CDH11: variants seen among roughly 807,000 people sequenced by gnomAD.
CDH11 encodes cadherin-11.
Under a neutral mutation model 67.8 loss-of-function variants are expected in CDH11, and 11 were observed. The ratio of observed to expected loss-of-function variants is 0.16; its 90% CI spans 0.10 to 0.27. The LOEUF is 0.27. Among genes scored for constraint, CDH11 ranks in the 10% least tolerant of loss-of-function variants. The pLI is 1.00. For missense variants in CDH11, 847 were observed against 1,031.2 expected (o/e 0.82, Z 2.45); for synonymous variants, 419 against 400.0 (o/e 1.05, Z -0.57).
chr16:65,077,372 C>A (rs1453156193), intron 1 of CDH11, among the ~76,000 whole-genome samples: 1 of 152,182 alleles, frequency 6.6e-6, no homozygotes, highest in Non-Finnish European at 1.5e-5. Flanking sequence ...TTGTGTGTAG[C>A]TTCTTTTCAC....
At chr16:65,108,684 TA>T (rs56412091) in intron 1 of CDH11, among the ~76,000 whole-genome samples, 23 of 150,348 alleles carry the variant, frequency 1.5e-4, no homozygotes, top group East Asian at 3.9e-4. Flanking sequence ...AATCAATATT[TA>T]AAAAAAAAAA....
At chr16:65,093,711 G>T (rs2074834154) in intron 1 of CDH11, among the ~76,000 whole-genome samples, 1 of 152,058 alleles carries the variant, frequency 6.6e-6, no homozygotes, top group Admixed American at 6.5e-5. Flanking sequence ...GGTATACAGA[G>T]ATAAAATCAT....
At chr16:64,979,722 A>G (rs1338667741) in intron 8 of CDH11, among the ~76,000 whole-genome samples, 2 of 152,218 alleles carry the variant, frequency 1.3e-5, no homozygotes, top group Non-Finnish European at 2.9e-5. Context: ...ACTCCTAGGT[A>G]TATGCCCAGG....
chr16:65,085,125 G>T (rs531074256), intron 1 of CDH11, among the ~76,000 whole-genome samples: 3 of 152,204 alleles, frequency 2.0e-5, no homozygotes, highest in Admixed American at 6.5e-5. Context: ...TGGGCAGCGT[G>T]GTCTCGAACT....
intron 1 of CDH11, among the ~76,000 whole-genome samples, chr16:65,113,602 C>T (rs536168824): frequency 2.6e-5 from 4 of 152,218 alleles, no homozygotes; most frequent in African/African-American, 7.2e-5. Context: ...TAAGATGCCA[C>T]GTGGTAAAGC....
chr16:64,952,284 T>C (rs2071383379), intron 11 of CDH11, among the ~76,000 whole-genome samples: 1 of 152,244 alleles, frequency 6.6e-6, no homozygotes, highest in East Asian at 1.9e-4. Context: ...ATACATAACC[T>C]ACTCTTCTGT....
At chr16:64,956,029 A>G (rs2071500628) in intron 11 of CDH11, among the ~76,000 whole-genome samples, 1 of 152,170 alleles carries the variant, frequency 6.6e-6, no homozygotes, top group Non-Finnish European at 1.5e-5. Flanking sequence ...CCAGGTTACT[A>G]AGATGAAACA....
chr16:65,095,722 C>T (rs182703857), intron 1 of CDH11, among the ~76,000 whole-genome samples: 7 of 152,276 alleles, frequency 4.6e-5, no homozygotes, highest in African/African-American at 1.7e-4. Flanking sequence ...TGCCTACCTG[C>T]CCTATGGATT....
At chr16:65,064,788 T>G (rs888924161) in intron 1 of CDH11, among the ~76,000 whole-genome samples, 2 of 152,216 alleles carry the variant, frequency 1.3e-5, no homozygotes, top group African/African-American at 4.8e-5. Flanking sequence ...AAATATTTTT[T>G]TAAATAGCAG....
chr16:65,102,312 T>TC (rs1252478419), intron 1 of CDH11, among the ~76,000 whole-genome samples: 1 of 152,240 alleles, frequency 6.6e-6, no homozygotes, highest in Non-Finnish European at 1.5e-5. Context: ...CCAATTTGTC[T>TC]CATTGAGTCA....
At chr16:65,029,139 TA>T (rs2073589648) in intron 2 of CDH11, among the ~76,000 whole-genome samples, 1 of 152,162 alleles carries the variant, frequency 6.6e-6, no homozygotes, top group South Asian at 2.1e-4. Context: ...AAACACTTTT[TA>T]AAAAATCTTC....
rs754216024 is a variant in CDH11 at position 64,982,202 on chromosome 16, T to G, written c.1099A>C (p.Thr367Pro). Reference sequence around the variant, plus strand: ...TCTACTGAGATCTTGACGGTCACAGTGTCCTTGAAAGGGCCATTGCTGATA... The same window carrying G: ...TCTACTGAGATCTTGACGGTCACAGGGTCCTTGAAAGGGCCATTGCTGATA... The part of the protein sequence containing the change: ...KFISNGPFKD[T>P]VTVKISVEDA... Residue 367 changes from threonine to proline, a missense_variant, in exon 8 of 13, where the codon ACT becomes CCT. Physicochemically the swap from Thr to Pro is conservative, Grantham distance 38. Around this residue, in one of 2 missense-constraint regions of CDH11, gnomAD observed 612 missense variants for 678.7 expected, o/e 0.90. Transcript: ENST00000268603. 1.2e-6 allele frequency: 2 copies of G among 1,614,112 alleles called. No individual in the cohort carries two copies. Among genetic ancestry groups the G allele is most frequent in the Non-Finnish European group, 1.7e-6 (2 of 1,179,966 alleles).
intron 1 of CDH11, among the ~76,000 whole-genome samples, chr16:65,081,956 G>A (rs2074618462): frequency 6.6e-6 from 1 of 152,036 alleles, no homozygotes; most frequent in South Asian, 2.1e-4. Flanking sequence ...AAGGTGCTGA[G>A]GACTGAGTCC....
rs1190205209 is a variant in CDH11, at chr16:64,945,133, A to G, written c.*2470T>C. On this transcript the variant is annotated 3_prime_UTR_variant, in exon 13 of 13. Transcript: ENST00000268603. The stretch of plus-strand genomic sequence containing the variant: ...TCCTTCTTTTAGCTGCATAGATGGT[A>G]TAAAACAGTGATTACTTTAGAATAA... The G allele has an allele frequency of 5.0e-6, 1 of 201,686 alleles. No individual in the cohort carries two copies. The highest frequency in any genetic ancestry group is 2.3e-5 in the African/African-American group (1 of 43,650). 12.5% of individuals were successfully genotyped at this position (201,686 alleles called of 1,614,324 possible).
intron 1 of CDH11, among the ~76,000 whole-genome samples, chr16:65,076,221 T>C (rs558510448): frequency 3.9e-5 from 6 of 152,358 alleles, no homozygotes; most frequent in Middle Eastern, 6.8e-3. Flanking sequence ...TCTATTCTAG[T>C]CAATTTTCTT....
Position 65,121,572 on chromosome 16 carries a change from C to T in CDH11, c.-298+308G>A, listed in dbSNP as rs1051768139. ...GTCTCTTGCCCCAGCCAGGTACAAACCCCCTCTGCTGTGGCCTCGGCGCAG... is the reference window on the plus strand; with the variant it reads ...GTCTCTTGCCCCAGCCAGGTACAAATCCCCTCTGCTGTGGCCTCGGCGCAG... On this transcript the variant is annotated intron_variant, in intron 1 of 12. Transcript: ENST00000268603. This position sits in a 1 kb window ranked among gnomAD's most constrained non-coding sequence, Gnocchi z 4.1. 1.3e-5 allele frequency among the ~76,000 whole-genome samples: 2 copies of T among 152,166 alleles called. No individual in the cohort carries two copies. The highest frequency in any genetic ancestry group is 4.8e-5 in the African/African-American group (2 of 41,456).
intron 1 of CDH11, among the ~76,000 whole-genome samples, chr16:65,086,293 G>T (rs969101822): frequency 3.3e-5 from 5 of 152,170 alleles, no homozygotes; most frequent in African/African-American, 9.7e-5. Context: ...TATACCAATG[G>T]TTCTCAAACT....
chr16:65,089,354 C>G (rs549839272), intron 1 of CDH11, among the ~76,000 whole-genome samples: 10 of 152,154 alleles, frequency 6.6e-5, no homozygotes, highest in Middle Eastern at 6.8e-3. Context: ...GGCACTTAAC[C>G]AGCGATACCA....
chr16:65,068,452 T>C (rs1406867719), intron 1 of CDH11, among the ~76,000 whole-genome samples: 1 of 142,380 alleles, frequency 7.0e-6, no homozygotes, highest in Non-Finnish European at 1.5e-5. Flanking sequence ...GGGAGAGAGA[T>C]GATGACATGA....
Sources: allele counts gnomAD v4.1 joint callset (sites outside exome capture counted in the v4.1 genomes callset), GRCh38; gene constraint gnomAD v4.1.1; regional missense constraint gnomAD v4.1.1; non-coding constraint Gnocchi (gnomAD v3.1); transcripts MANE v1.5; gene names NCBI Gene and HGNC (gene_info 2026-07-23, HGNC 2026-07-21).